Variants in HDAC4 observed in about 807,000 individuals in gnomAD.
HDAC4 encodes histone deacetylase A.
A neutral mutation model predicts 135.1 loss-of-function variants in HDAC4; 16 were observed. The ratio of observed to expected loss-of-function variants is 0.12; its 90% CI spans 0.08 to 0.18. The LOEUF (loss-of-function observed/expected upper bound fraction) is 0.18. HDAC4 is among the 10% of genes least tolerant of loss of function. HDAC4 has a pLI of 1.00. For missense variants in HDAC4, 1,143 were observed against 1,511.8 expected, an observed-to-expected ratio of 0.76 and a Z score of 4.05; for synonymous variants, 685 against 653.4, an observed-to-expected ratio of 1.05 and a Z score of -0.74.
At chr2:239,116,024 T>C (rs2039102846) in intron 12 of HDAC4, among the ~76,000 whole-genome samples, 1 of 152,122 alleles carries the variant, frequency 6.6e-6, no homozygotes, top group African/African-American at 2.4e-5. Flanking sequence ...ACTCCCTAGA[T>C]GCCCCCGACC....
At chr2:239,323,466 G>C (rs2053378114) in intron 2 of HDAC4, among the ~76,000 whole-genome samples, 1 of 152,166 alleles carries the variant, frequency 6.6e-6, no homozygotes, top group Non-Finnish European at 1.5e-5. Context: ...GGGAAGGGGA[G>C]TATTTTCCCA....
intron 4 of HDAC4, among the ~76,000 whole-genome samples, chr2:239,178,917 T>C (rs757787511): frequency 6.6e-5 from 10 of 150,478 alleles, no homozygotes; most frequent in Non-Finnish European, 1.3e-4. Context: ...AAGCATAGAG[T>C]GGGGTGTGTG....
intron 22 of HDAC4, among the ~76,000 whole-genome samples, chr2:239,077,461 C>T (rs368682831): frequency 8.1e-4 from 123 of 152,370 alleles, no homozygotes; most frequent in African/African-American, 2.8e-3. Context: ...GGCACTGTGC[C>T]GGCTCCACTG....
Position 239,190,210 on chromosome 2 carries a change from C to G in HDAC4, c.95-133G>C, listed in dbSNP as rs2044838489. 7.5e-6 allele frequency: 9 copies of G among 1,199,208 alleles called. No homozygotes were observed. The South Asian group carries it at 1.2e-4, about 16-fold the overall frequency. The allele number at this position is 1,199,208 out of a possible 1,614,324, so 74.3% of individuals were successfully genotyped here. ...TTGTGACCATTTGAGGATTGGATAC[C>G]CCTCTCCCCCTGTCCCCCTCTTGCC... On this transcript the variant is annotated intron_variant, in intron 3 of 26. Transcript: ENST00000543185.
At chr2:239,163,402 G>A (rs2042933299) in intron 6 of HDAC4, among the ~76,000 whole-genome samples, 1 of 152,208 alleles carries the variant, frequency 6.6e-6, no homozygotes, top group African/African-American at 2.4e-5. Context: ...TCTGCAGGGG[G>A]GCCCACTCCC....
intron 2 of HDAC4, among the ~76,000 whole-genome samples, chr2:239,339,221 C>G (rs905010281): frequency 6.6e-6 from 1 of 152,224 alleles, no homozygotes; most frequent in African/African-American, 2.4e-5. Context: ...CTGGGGTTGC[C>G]TGTAAACACA....
rs937228108 is a variant in HDAC4 at position 239,146,559 on chromosome 2, G to T, written c.734-1845C>A. On this transcript the variant is annotated intron_variant, in intron 7 of 26. Transcript: ENST00000543185. This position sits in a 1 kb window ranked among gnomAD's most constrained non-coding sequence, Gnocchi z 4.5. ...GCAGCCCAGTGCACCGCCTCCCCCAGGCCCTGTGGGGGTCATCACGCTGCC... is the reference window on the plus strand; with the variant it reads ...GCAGCCCAGTGCACCGCCTCCCCCATGCCCTGTGGGGGTCATCACGCTGCC... Among the ~76,000 whole-genome samples the T allele has an allele frequency of 2.0e-5, 3 of 152,156 alleles. No homozygotes were observed. Among genetic ancestry groups the T allele is most frequent in the African/African-American group, 7.2e-5 (3 of 41,452 alleles).
intron 22 of HDAC4, among the ~76,000 whole-genome samples, chr2:239,075,698 G>A (rs1301240371): frequency 6.6e-6 from 1 of 152,236 alleles, no homozygotes; most frequent in Non-Finnish European, 1.5e-5. Context: ...GCCTCAATGT[G>A]GCTTCTCTGG....
chr2:239,248,228 T>G (rs1252447603), intron 2 of HDAC4, among the ~76,000 whole-genome samples: 1 of 151,908 alleles, frequency 6.6e-6, no homozygotes, highest in Non-Finnish European at 1.5e-5. Context: ...TCACCCAGGC[T>G]GAAGTGCAGT....
chr2:239,346,444 A>G (rs1692677490), intron 2 of HDAC4, among the ~76,000 whole-genome samples: 1 of 151,096 alleles, frequency 6.6e-6, no homozygotes, highest in Admixed American at 6.6e-5. Flanking sequence ...TAAAACACAC[A>G]TACATACCTT....
intron 1 of HDAC4, among the ~76,000 whole-genome samples, chr2:239,391,340 A>G (rs998598878): frequency 2.0e-5 from 3 of 152,182 alleles, no homozygotes; most frequent in African/African-American, 7.2e-5. Flanking sequence ...AAACTGTACT[A>G]AGGTCCTTCG....
intron 2 of HDAC4, among the ~76,000 whole-genome samples, chr2:239,334,517 T>A (rs548447602): frequency 9.5e-6 from 1 of 105,480 alleles, no homozygotes; most frequent in African/African-American, 3.5e-5. Context: ...CAAGACTCCA[T>A]CTCAAAACAA....
At chr2:239,119,182 A>T (rs571046318) in intron 12 of HDAC4, among the ~76,000 whole-genome samples, 18 of 152,202 alleles carry the variant, frequency 1.2e-4, no homozygotes, top group African/African-American at 3.9e-4. Context: ...GGTGTATGGG[A>T]GGTTTCTTGA....
At chr2:239,367,213 T>G (rs978607222) in intron 1 of HDAC4, among the ~76,000 whole-genome samples, 2 of 152,110 alleles carry the variant, frequency 1.3e-5, no homozygotes, top group African/African-American at 4.8e-5. Flanking sequence ...AAAAATGTCA[T>G]GTGCCCTTCT....
chr2:239,186,394 TAA>T (rs2044552022), intron 4 of HDAC4: 2 of 152,246 alleles, frequency 1.3e-5, no homozygotes, highest in South Asian at 4.1e-4. Flanking sequence ...TGATGGCTTA[TAA>T]AGAGAGTTTA....
At position 239,280,810 on chromosome 2, in the gene HDAC4, T is replaced by C. The variant is rs528987090; in HGVS notation, c.23-44146A>G. Among the ~76,000 whole-genome samples the C allele has an allele frequency of 4.6e-3, 701 of 150,984 alleles. 8 individuals are homozygous for C. The highest frequency in any genetic ancestry group is 0.016 in the African/African-American group (668 of 40,784). ...AATGAACACACCACTCTACACACAA[T>C]GTACACACCACTCTACAATGTACAC... On this transcript the variant is annotated intron_variant, in intron 2 of 26. Coordinates refer to ENST00000543185, the MANE Select transcript of HDAC4 (RefSeq NM_001378414.1).
intron 1 of HDAC4, among the ~76,000 whole-genome samples, chr2:239,383,971 C>G (rs182194825): frequency 1.3e-5 from 2 of 152,334 alleles, no homozygotes; most frequent in Non-Finnish European, 2.9e-5. Flanking sequence ...TCGCTGGCAC[C>G]TGGGCACCGT....
intron 2 of HDAC4, among the ~76,000 whole-genome samples, chr2:239,275,090 C>G (rs773472543): frequency 2.8e-4 from 43 of 152,228 alleles, no homozygotes; most frequent in Non-Finnish European, 3.8e-4. Context: ...AGCCAGCACA[C>G]GCTACGCTAT....
chr2:239,240,239 A>G lies in HDAC4; in HGVS notation c.23-3575T>C, dbSNP rs2048102888. 6.6e-6 allele frequency among the ~76,000 whole-genome samples: 1 copy of G among 152,254 alleles called. No individual in the cohort carries two copies. Among genetic ancestry groups the G allele is most frequent in the Non-Finnish European group, 1.5e-5 (1 of 68,046 alleles). On this transcript the variant is annotated intron_variant, in intron 2 of 26. Transcript: ENST00000543185. The surrounding 1 kb of genome is among the most constrained non-coding windows in gnomAD (Gnocchi z 4.5). ...AGACAGCTTTGGAACGGACCTAAACAAAGCGTGGCCAGTGGGGCAAAGAAC... is the reference window on the plus strand; with the variant it reads ...AGACAGCTTTGGAACGGACCTAAACGAAGCGTGGCCAGTGGGGCAAAGAAC...
Sources: allele counts gnomAD v4.1 joint callset (sites outside exome capture counted in the v4.1 genomes callset), GRCh38; gene constraint gnomAD v4.1.1; non-coding constraint Gnocchi (gnomAD v3.1); transcripts MANE v1.5; gene names NCBI Gene and HGNC (gene_info 2026-07-23, HGNC 2026-07-21).